The following SNAPC3 variants were observed in gnomAD, a reference collection of about 807,000 sequenced individuals.
SNAPC3 encodes the protein snRNA-activating protein complex subunit 3.
Under a neutral mutation model 47.7 loss-of-function variants are expected in SNAPC3, and 56 were observed. That is an observed-to-expected ratio of 1.18 (90% CI 0.95 to 1.47). The LOEUF (loss-of-function observed/expected upper bound fraction) is 1.47, where lower values mean the gene tolerates loss of function less well. Ranked by LOEUF, SNAPC3 falls within the 40% of genes most tolerant of loss-of-function variation. SNAPC3 has a pLI of 0.00. For missense variants in SNAPC3, 665 were observed against 511.3 expected (o/e 1.30, Z -2.90); for synonymous variants, 235 against 189.9 (o/e 1.24, Z -1.95).
intron 7 of SNAPC3, among the ~76,000 whole-genome samples, chr9:15,454,743 C>T (rs2034644657): frequency 6.6e-6 from 1 of 152,112 alleles, no homozygotes; most frequent in East Asian, 1.9e-4. Flanking sequence ...CGAGACCATG[C>T]TGGCTAACAC....
intron 2 of SNAPC3, among the ~76,000 whole-genome samples, 154 bp from the exon 3 acceptor site, chr9:15,433,398 G>A (rs1017064513): frequency 6.6e-6 from 1 of 152,108 alleles, no homozygotes; most frequent in Non-Finnish European, 1.5e-5. Context: ...GTTGACATAA[G>A]GGAAGCTGAA....
chr9:15,429,085 AATC>A (rs1395986467), intron 2 of SNAPC3, among the ~76,000 whole-genome samples: 4 of 152,236 alleles, frequency 2.6e-5, no homozygotes, highest in Non-Finnish European at 5.9e-5. Flanking sequence ...ATAAAGATGA[AATC>A]ATCAAGTCTT....
chr9:15,454,953 AAATT>A (rs1185345013), intron 7 of SNAPC3, among the ~76,000 whole-genome samples: 1 of 152,088 alleles, frequency 6.6e-6, no homozygotes, highest in Non-Finnish European at 1.5e-5. Flanking sequence ...ATAAATAAGA[AAATT>A]AAGCAAATGC....
chr9:15,448,308 A>C lies in SNAPC3; in HGVS notation c.732+1064A>C, dbSNP rs185390658. On this transcript the variant is annotated intron_variant, in intron 5 of 8. Transcript: ENST00000380821. Reference sequence around the variant, plus strand: ...GATGCTTCCCAAATTAACTTTCTGAACTGTTTACTTGCTGCCTTTACACCT... The same window carrying C: ...GATGCTTCCCAAATTAACTTTCTGACCTGTTTACTTGCTGCCTTTACACCT... Among the ~76,000 whole-genome samples, 482 of 152,156 alleles carry C rather than the reference A, an allele frequency of 3.2e-3. 2 individuals carry two copies. The highest frequency in any genetic ancestry group is 0.024 in the Middle Eastern group (7 of 294).
chr9:15,465,448 T>G, downstream of SNAPC3: 3 of 1,331,802 alleles, frequency 2.3e-6, no homozygotes, highest in African/African-American at 1.5e-5. Flanking sequence ...AATTTAAAAC[T>G]TTCAGCAGTC....
Position 15,447,155 on chromosome 9 carries a change from C to G in SNAPC3, c.643C>G (p.Leu215Val), listed in dbSNP as rs2033996837. 5.0e-6 allele frequency: 8 copies of G among 1,613,868 alleles called. No homozygotes were observed. The highest frequency in any genetic ancestry group is 6.8e-6 in the Non-Finnish European group (8 of 1,179,770). ...LVLGSQKLTQ[L>V]RDSIRCVSDL... ...GTTGGGCAGTCAAAAACTCACACAA[C>G]TGAGGGATTCAATTCGATGTGTCAG... is the stretch of plus-strand genomic sequence containing the variant. The change falls in exon 5 of 9, where the codon CTG (leucine) becomes GTG (valine). Residue 215 changes from leucine (L) to valine (V), a missense_variant. Coordinates refer to ENST00000380821, the MANE Select transcript of SNAPC3 (RefSeq NM_001039697.2).
chr9:15,464,993 T>C (rs1248056282), downstream of SNAPC3: 1 of 219,452 alleles, frequency 4.6e-6, no homozygotes, highest in African/African-American at 2.2e-5. Flanking sequence ...CAATGTAGAC[T>C]GTGAGATTAA....
chr9:15,441,328 C>T (rs893182830), intron 3 of SNAPC3, among the ~76,000 whole-genome samples: 1 of 146,666 alleles, frequency 6.8e-6, no homozygotes, highest in Non-Finnish European at 1.5e-5. Flanking sequence ...TATTGTTTTC[C>T]GTAATAGCTG....
At position 15,433,624 on chromosome 9, in the gene SNAPC3, C is replaced by T. The variant is rs199814272; in HGVS notation, c.465C>T (p.Phe155=). Residue 155 remains phenylalanine, a synonymous_variant, in exon 3 of 9, where the codon TTC becomes TTT. Coordinates refer to ENST00000380821, the MANE Select transcript of SNAPC3 (RefSeq NM_001039697.2). The part of the protein sequence containing the change: ...TIDRACRQET[F]VYEMESHAIG... Reference sequence around the variant, plus strand: ...ATCGAGCCTGCAGACAAGAAACATTCGTTTATGAGATGGTAATTAAGAGTC... The same window carrying T: ...ATCGAGCCTGCAGACAAGAAACATTTGTTTATGAGATGGTAATTAAGAGTC... 20 of 1,594,204 alleles carry T rather than the reference C, an allele frequency of 1.3e-5. No homozygotes were observed. The East Asian group carries it at 3.1e-4, about 25-fold the overall frequency.
At chr9:15,465,009 A>G (rs1348583095), downstream of SNAPC3, 1 of 220,028 alleles carries the variant, frequency 4.5e-6, no homozygotes, top group East Asian at 6.8e-5. Flanking sequence ...ATTAAAATTA[A>G]CTTTTGATAA....
At chr9:15,426,812 A>G (rs2031463899) in intron 2 of SNAPC3, among the ~76,000 whole-genome samples, 1 of 152,168 alleles carries the variant, frequency 6.6e-6, no homozygotes, top group African/African-American at 2.4e-5. Flanking sequence ...GGGTAGAATT[A>G]TATATAATCT....
chr9:15,440,376 A>T (rs1439364217), intron 3 of SNAPC3, among the ~76,000 whole-genome samples: 1 of 152,156 alleles, frequency 6.6e-6, no homozygotes, highest in Non-Finnish European at 1.5e-5. Context: ...GCTGGTAGTA[A>T]TTAATTCCCC....
In SNAPC3 at chr9:15,433,581, A is replaced by G; in HGVS notation, c.422A>G (p.Glu141Gly). The change falls in exon 3 of 9, where the codon GAA becomes GGA. Residue 141 changes from glutamate to glycine, a missense_variant. Glu to Gly is a moderately conservative substitution (Grantham distance 98). Coordinates refer to ENST00000380821, the MANE Select transcript of SNAPC3 (RefSeq NM_001039697.2). ...AGAAAAAGGTTCTTGGAACATCGGG[A>G]AGAAACCATTACAATAGATCGAGCC... ...GVRKRFLEHR[E>G]ETITIDRACR... The G allele has an allele frequency of 1.9e-6, 3 of 1,609,530 alleles. No individual in the cohort carries two copies. The highest frequency in any genetic ancestry group is 2.5e-6 in the Non-Finnish European group (3 of 1,177,462).
chr9:15,429,816 C>G (rs1222910468), intron 2 of SNAPC3, among the ~76,000 whole-genome samples: 2 of 152,040 alleles, frequency 1.3e-5, no homozygotes, highest in African/African-American at 4.8e-5. Context: ...TTCAATTTGG[C>G]TTGTAAAACA....
Position 15,453,121 on chromosome 9 carries a change from A to G in SNAPC3, c.896A>G (p.Asn299Ser), listed in dbSNP as rs745726291. The G allele has an allele frequency of 2.4e-5, 39 of 1,612,872 alleles. No homozygotes were observed. Among genetic ancestry groups the G allele is most frequent in the Middle Eastern group, 3.3e-4 (2 of 6,082 alleles). ...GCTAGAATGGAAGATTTCACCTTCA[A>G]TGACTTGTGTATTAAACTGGGTTTT... Reference protein sequence around the residue: ...QTARMEDFTFNDLCIKLGFPY... With the variant: ...QTARMEDFTFSDLCIKLGFPY... The change falls in exon 7 of 9, where the codon AAT (asparagine) becomes AGT (serine). Residue 299 changes from asparagine to serine, a missense_variant. Coordinates refer to ENST00000380821, the MANE Select transcript of SNAPC3 (RefSeq NM_001039697.2).
At chr9:15,452,040 T>A (rs1225686263) in intron 6 of SNAPC3, among the ~76,000 whole-genome samples, 3 of 152,162 alleles carry the variant, frequency 2.0e-5, no homozygotes, top group East Asian at 3.9e-4. Context: ...CTCAGCTCAC[T>A]GCAGCCTCTG....
chr9:15,446,667 G>T (rs182099194), intron 4 of SNAPC3, among the ~76,000 whole-genome samples: 3 of 152,284 alleles, frequency 2.0e-5, no homozygotes, highest in Non-Finnish European at 4.4e-5. Flanking sequence ...TGAAAGGGGA[G>T]AGGGGAAGGC....
At chr9:15,455,159 T>C (rs2034681842) in intron 7 of SNAPC3, among the ~76,000 whole-genome samples, 1 of 152,100 alleles carries the variant, frequency 6.6e-6, no homozygotes, top group Admixed American at 6.5e-5. Context: ...TGGAAAACAA[T>C]TGCCCCTAGG....
chr9:15,459,642 A>C, intron 8 of SNAPC3, 77 bp from the exon 9 acceptor site: 1 of 1,105,472 alleles, frequency 9.0e-7, no homozygotes, highest in Non-Finnish European at 1.3e-6. Context: ...ATATTTACAT[A>C]TTGCTACAGG....
Sources: allele counts gnomAD v4.1 joint callset (sites outside exome capture counted in the v4.1 genomes callset), GRCh38; gene constraint gnomAD v4.1.1; transcripts MANE v1.5; gene names NCBI Gene and HGNC (gene_info 2026-07-23, HGNC 2026-07-21).